TMC7: variants seen among roughly 807,000 people sequenced by gnomAD.
The protein encoded by TMC7 is transmembrane channel-like protein 7.
Under a neutral mutation model 82.9 loss-of-function variants are expected in TMC7, and 54 were observed. That is an observed-to-expected ratio of 0.65 (90% CI 0.52 to 0.82). The LOEUF is 0.82. TMC7 is among the 40% of genes least tolerant of loss of function. TMC7 has a pLI of 0.00. For synonymous variants in TMC7, 350 were observed against 337.9 expected (o/e 1.04, Z -0.39); for missense variants, 820 against 901.2 (o/e 0.91, Z 1.15).
intron 10 of TMC7, 34 bp downstream of exon 10, chr16:19,045,035 G>T (rs1961204567): frequency 6.6e-7 from 1 of 1,507,098 alleles, no homozygotes; most frequent in Non-Finnish European, 9.2e-7. Flanking sequence ...CGGCTGGGTG[G>T]GTCCTTCTGG....
intron 6 of TMC7, among the ~76,000 whole-genome samples, chr16:19,030,578 C>CTTT (rs572433772): frequency 7.4e-6 from 1 of 135,416 alleles, no homozygotes; most frequent in Non-Finnish European, 1.6e-5. Context: ...TGAGGTTCTT[C>CTTT]TTTTTTTTTT....
chr16:19,011,506 AAAATAAATAAATAAATAAATAAAT>A (rs58092157), intron 2 of TMC7, among the ~76,000 whole-genome samples: 1 of 137,834 alleles, frequency 7.3e-6, no homozygotes, highest in African/African-American at 2.6e-5. Flanking sequence ...CTGTCTTTAC[AAAATAAATAAATAAATAAATAAAT>A]AAATAAATAA....
chr16:19,057,871 CT>C (rs1311939496), intron 14 of TMC7, among the ~76,000 whole-genome samples: 1 of 152,098 alleles, frequency 6.6e-6, no homozygotes, highest in Non-Finnish European at 1.5e-5. Flanking sequence ...CCATTTGCCC[CT>C]CTCCCCAAAT....
chr16:18,985,576 A>G (rs977934056), intron 1 of TMC7, among the ~76,000 whole-genome samples: 1 of 152,114 alleles, frequency 6.6e-6, no homozygotes, highest in Admixed American at 6.6e-5. Context: ...CCATACAAAG[A>G]ATGTGAGATT....
chr16:19,037,195 C>T (rs1960786738), intron 7 of TMC7, among the ~76,000 whole-genome samples: 1 of 151,624 alleles, frequency 6.6e-6, no homozygotes, highest in Non-Finnish European at 1.5e-5. Context: ...TGAGACCATC[C>T]TGGCCAATAT....
At position 19,063,781 on chromosome 16, in the gene TMC7, G is replaced by T. The variant is rs1280676620; in HGVS notation, c.*1938G>T. On this transcript the variant is annotated 3_prime_UTR_variant, in exon 16 of 16. Transcript: ENST00000304381. ...TATGCTAATTAATATATTAATTTTA[G>T]TTAAATGCTGCTAATATGCATACCT... The T allele has an allele frequency of 2.0e-5, 3 of 151,556 alleles. No homozygotes were observed. The highest frequency in any genetic ancestry group is 4.4e-5 in the Non-Finnish European group (3 of 67,950). The allele number at this position is 151,556 out of a possible 1,614,324, so 9.4% of individuals were successfully genotyped here.
chr16:19,019,043 T>A (rs1596750058), intron 3 of TMC7, among the ~76,000 whole-genome samples: 1 of 152,086 alleles, frequency 6.6e-6, no homozygotes, highest in Non-Finnish European at 1.5e-5. Flanking sequence ...AGAGACAGGG[T>A]TTCACCATGT....
intron 5 of TMC7, among the ~76,000 whole-genome samples, 184 bp from the exon 6 acceptor site, chr16:19,030,040 G>T (rs1251693170): frequency 1.3e-5 from 2 of 152,164 alleles, no homozygotes; most frequent in African/African-American, 4.8e-5. Flanking sequence ...TAATGCCAGG[G>T]TTTTATCAGT....
At chr16:19,047,467 G>A (rs1387830603) in intron 12 of TMC7, among the ~76,000 whole-genome samples, 5 of 147,912 alleles carry the variant, frequency 3.4e-5, no homozygotes, top group South Asian at 2.1e-4. Context: ...GCGTGATCTC[G>A]GCTCACTGCA....
chr16:18,984,460 C>T (rs2038807919), intron 1 of TMC7: 2 of 1,131,066 alleles, frequency 1.8e-6, no homozygotes, highest in African/African-American at 1.6e-5. Context: ...ATTTGAGCAC[C>T]CCCTCCACGC....
Position 19,061,292 on chromosome 16 carries a change from C to T in TMC7, c.2107-486C>T, listed in dbSNP as rs559867332. On this transcript the variant is annotated intron_variant, in intron 15 of 15. Transcript: ENST00000304381. ...CCTCCCAAAGTGCTGAGATTACAGG[C>T]GTGAGCCACCTCGCCTGGCCTAATT... Among the ~76,000 whole-genome samples the T allele has an allele frequency of 3.5e-3, 529 of 151,178 alleles. 1 individual carries two copies. Among genetic ancestry groups the T allele is most frequent in the Non-Finnish European group, 5.2e-3 (354 of 67,704 alleles).
intron 14 of TMC7, among the ~76,000 whole-genome samples, chr16:19,057,130 C>A (rs763692267): frequency 1.3e-5 from 2 of 152,004 alleles, no homozygotes; most frequent in Non-Finnish European, 2.9e-5. Flanking sequence ...CAGAATAAGA[C>A]CCTGTCTCAA....
chr16:19,010,443 C>T (rs115245993), intron 2 of TMC7, among the ~76,000 whole-genome samples: 2,812 of 152,180 alleles, frequency 0.018, 32 homozygotes, highest in Middle Eastern at 0.051. Flanking sequence ...CATGAGCTAC[C>T]GTGCCTGGCA....
intron 14 of TMC7, 129 bp downstream of exon 14, chr16:19,056,826 C>T: frequency 3.6e-6 from 4 of 1,099,932 alleles, no homozygotes; most frequent in Non-Finnish European, 5.2e-6. Context: ...TTTCCCATCT[C>T]TAAAATGGGC....
At chr16:18,992,474 T>C (rs994831385) in intron 1 of TMC7, among the ~76,000 whole-genome samples, 15 of 152,164 alleles carry the variant, frequency 9.9e-5, no homozygotes, top group African/African-American at 3.1e-4. Flanking sequence ...TTTGTTTGAG[T>C]TCTTTGTAGA....
Position 18,984,010 on chromosome 16 carries a change from C to G in TMC7, c.-54C>G, listed in dbSNP as rs1413512554. ...GGGAAGGCCGGGGAGGCGGCGGCGG[C>G]GGCGGCGGCTGGAGAGGGTCCTCGG... On this transcript the variant is annotated 5_prime_UTR_variant, in exon 1 of 16. Transcript: ENST00000304381. The G allele has an allele frequency of 1.5e-6, 2 of 1,369,496 alleles. No individual in the cohort carries two copies. The highest frequency in any genetic ancestry group is 3.1e-5 in the African/African-American group (2 of 65,334). 84.8% of individuals were successfully genotyped at this position (1,369,496 alleles called of 1,614,324 possible).
In TMC7 at chr16:19,018,872, C is replaced by A. The variant is rs184469332; in HGVS notation, c.460+2274C>A. Among the ~76,000 whole-genome samples, 1,473 of 152,170 alleles carry A rather than the reference C, an allele frequency of 9.7e-3. 34 individuals are homozygous for A. The highest frequency in any genetic ancestry group is 0.033 in the African/African-American group (1,387 of 41,532). On this transcript the variant is annotated intron_variant, in intron 3 of 15. Coordinates refer to ENST00000304381, the MANE Select transcript of TMC7 (RefSeq NM_024847.4). The stretch of plus-strand genomic sequence containing the variant: ...ATCTATTTTATTTTATTTTTTGAGA[C>A]AAAGTTTCGCTCTTGTTGCCCAGGC...
At chr16:18,995,926 G>T (rs1370798848) in intron 1 of TMC7, among the ~76,000 whole-genome samples, 3 of 152,074 alleles carry the variant, frequency 2.0e-5, no homozygotes, top group Non-Finnish European at 4.4e-5. Context: ...AAGGGTTGTT[G>T]CCAAGCATGC....
intron 3 of TMC7, 48 bp from the exon 4 acceptor site, chr16:19,021,581 A>G: frequency 6.3e-7 from 1 of 1,597,114 alleles, no homozygotes; most frequent in Non-Finnish European, 8.6e-7. Context: ...TATGATGTGT[A>G]GTGTATCAAT....
Sources: allele counts gnomAD v4.1 joint callset (sites outside exome capture counted in the v4.1 genomes callset), GRCh38; gene constraint gnomAD v4.1.1; transcripts MANE v1.5; gene names NCBI Gene and HGNC (gene_info 2026-07-23, HGNC 2026-07-21).